The following PARP16 variants were observed in gnomAD, a reference collection of about 807,000 sequenced individuals.
PARP16 encodes the protein poly(ADP-ribose) polymerase family member 16, also known as protein mono-ADP-ribosyltransferase PARP16.
A neutral mutation model predicts 35.0 loss-of-function variants in PARP16; 31 were observed. The observed-to-expected ratio is 0.88, with a 90% CI of 0.66 to 1.19. The LOEUF is 1.19. Ranked by LOEUF, PARP16 falls within the 50% of genes most tolerant of loss-of-function variation. The pLI, the probability that PARP16 is intolerant of heterozygous loss-of-function variation, is 0.00. For synonymous variants in PARP16, 162 were observed against 169.5 expected (o/e 0.96, Z 0.34); for missense variants, 424 against 411.2 (o/e 1.03, Z -0.27).
downstream of PARP16, among the ~76,000 whole-genome samples, chr15:65,257,446 TAAGA>T (rs2089548616): frequency 6.9e-6 from 1 of 144,342 alleles, no homozygotes; most frequent in East Asian, 2.0e-4. Context: ...AAAAAAAATT[TAAGA>T]AAGAAATAAA....
rs564095956 is a variant in PARP16, at chr15:65,247,865, C to T, written c.*97+252G>A. The stretch of plus-strand genomic sequence containing the variant: ...TGTTGCCTAGGCTGGAGTGCAGTGG[C>T]GCAATCTCGGCTCACTGCAACCTCC... On this transcript the variant is annotated intron_variant and NMD_transcript_variant, in intron 3 of 3. Transcript: ENST00000559805. 4.5e-5 allele frequency among the ~76,000 whole-genome samples: 6 copies of T among 134,162 alleles called. No homozygotes were observed. In the South Asian group the frequency reaches 6.9e-4, roughly 15 times the overall value. The allele number at this position is 134,162 out of a possible 152,430, so 88.0% of individuals were successfully genotyped here. A position where few individuals can be genotyped will look rare whatever the true frequency, so the allele number is the denominator to read the frequency against.
intron 1 of PARP16, among the ~76,000 whole-genome samples, chr15:65,280,312 G>A (rs987174545): frequency 3.3e-5 from 5 of 151,492 alleles, no homozygotes; most frequent in African/African-American, 9.7e-5. Context: ...TGGTATGTGC[G>A]TGGAGTCCCA....
In PARP16 at chr15:65,286,686, A is replaced by C; in HGVS notation, c.-260T>G. 4.1e-6 allele frequency: 1 copy of C among 243,518 alleles called. No homozygotes were observed. Among genetic ancestry groups the C allele is most frequent in the Non-Finnish European group, 7.6e-6 (1 of 130,864 alleles). The allele number at this position is 243,518 out of a possible 1,614,324, so 15.1% of individuals were successfully genotyped here. On this transcript the variant is annotated 5_prime_UTR_variant, in exon 1 of 6. Transcript: ENST00000649807. ...GCGGGTCGGCGGGGAGGTTGGGCCC[A>C]GGGATAAAGGAACTGGGGCTGGTGG...
intron 3 of PARP16, among the ~76,000 whole-genome samples, chr15:65,246,906 G>A (rs142056109): frequency 6.6e-6 from 1 of 152,154 alleles, no homozygotes; most frequent in Non-Finnish European, 1.5e-5. Flanking sequence ...CCCAACATTT[G>A]TAAGATATGA....
intron 1 of PARP16, chr15:65,285,582 A>C: frequency 3.2e-6 from 1 of 312,944 alleles, no homozygotes; most frequent in Non-Finnish European, 6.3e-6. Context: ...GGTCCCAAAG[A>C]TACATGGAGT....
At chr15:65,272,780 T>G (rs1208347018) in intron 1 of PARP16, among the ~76,000 whole-genome samples, 1 of 152,196 alleles carries the variant, frequency 6.6e-6, no homozygotes, top group African/African-American at 2.4e-5. Context: ...CTGTTGAGCT[T>G]CTATCTCCTC....
intron 4 of PARP16, 131 bp downstream of exon 4, chr15:65,263,018 G>C (rs1385471882): frequency 1.3e-6 from 1 of 782,288 alleles, no homozygotes; most frequent in East Asian, 2.7e-5. Context: ...GCAGGACCCT[G>C]TCCGGCACTG....
chr15:65,279,563 G>A (rs2090356467), intron 1 of PARP16, among the ~76,000 whole-genome samples: 1 of 152,036 alleles, frequency 6.6e-6, no homozygotes, highest in South Asian at 2.1e-4. Context: ...TTTCAGACCT[G>A]TGTACTTTTT....
intron 3 of PARP16, among the ~76,000 whole-genome samples, chr15:65,235,768 A>G (rs1323477655): frequency 1.3e-5 from 2 of 150,974 alleles, no homozygotes; most frequent in Non-Finnish European, 2.9e-5. Context: ...TTAATCGCTC[A>G]ACTTACCTTT....
At chr15:65,254,577 TG>T (rs1001960339), downstream of PARP16, among the ~76,000 whole-genome samples, 1 of 149,130 alleles carries the variant, frequency 6.7e-6, no homozygotes, top group African/African-American at 2.5e-5. Context: ...GAGAGACAAG[TG>T]GGGGCTGTGG....
chr15:65,236,898 G>T (rs2088893096), intron 3 of PARP16, among the ~76,000 whole-genome samples: 1 of 151,348 alleles, frequency 6.6e-6, no homozygotes, highest in Non-Finnish European at 1.5e-5. Context: ...CTTGAACCCT[G>T]GAGGCAGAGG....
At chr15:65,249,087 C>T (rs1024705401) in intron 2 of PARP16, among the ~76,000 whole-genome samples, 1 of 152,162 alleles carries the variant, frequency 6.6e-6, no homozygotes, top group Non-Finnish European at 1.5e-5. Flanking sequence ...GCCTAGGGGA[C>T]GAAAACACTC....
At chr15:65,270,804 G>A in intron 2 of PARP16, 131 bp downstream of exon 2, 1 of 848,522 alleles carries the variant, frequency 1.2e-6, no homozygotes, top group Non-Finnish European at 1.9e-6. Flanking sequence ...CTAAAGGTGA[G>A]GACCAGGACT....
chr15:65,279,042 A>G (rs751607001), intron 1 of PARP16, among the ~76,000 whole-genome samples: 5 of 152,198 alleles, frequency 3.3e-5, no homozygotes, highest in Non-Finnish European at 7.3e-5. Flanking sequence ...TAGGGATCAG[A>G]GTCTACAAAA....
chr15:65,233,147 C>T (rs571554380), downstream of PARP16, among the ~76,000 whole-genome samples: 1 of 152,326 alleles, frequency 6.6e-6, no homozygotes, highest in East Asian at 1.9e-4. Context: ...GGTGCGGTGG[C>T]TCACGCCTGT....
chr15:65,274,619 A>C (rs1258903219), intron 1 of PARP16, among the ~76,000 whole-genome samples: 1 of 149,950 alleles, frequency 6.7e-6, no homozygotes, highest in Admixed American at 6.7e-5. Context: ...ATGCTCCATG[A>C]GTATTGGTGC....
At chr15:65,270,130 C>G (rs1301651711) in intron 2 of PARP16, among the ~76,000 whole-genome samples, 1 of 152,206 alleles carries the variant, frequency 6.6e-6, no homozygotes, top group Non-Finnish European at 1.5e-5. Flanking sequence ...ATTGATTACT[C>G]TTAAATTGAA....
chr15:65,230,989 A>G (rs1031811100), downstream of PARP16, among the ~76,000 whole-genome samples: 5 of 149,942 alleles, frequency 3.3e-5, no homozygotes, highest in South Asian at 2.1e-4. Context: ...CCCAGGGTCA[A>G]GTGATTCTCC....
intron 1 of PARP16, among the ~76,000 whole-genome samples, chr15:65,277,161 C>T (rs2090285151): frequency 6.6e-6 from 1 of 152,102 alleles, no homozygotes; most frequent in African/African-American, 2.4e-5. Flanking sequence ...CAATGCTATT[C>T]CTCATGTGAC....
Sources: allele counts gnomAD v4.1 joint callset (sites outside exome capture counted in the v4.1 genomes callset), GRCh38; gene constraint gnomAD v4.1.1; transcripts MANE v1.5; gene names NCBI Gene and HGNC (gene_info 2026-07-23, HGNC 2026-07-21).